The following CNTN5 variants were observed in gnomAD, a reference collection of about 807,000 sequenced individuals.
CNTN5 encodes the protein contactin-5.
In CNTN5, 77 loss-of-function variants were observed where a neutral mutation model predicts 129.1. The ratio of observed to expected loss-of-function variants is 0.60; its 90% CI spans 0.50 to 0.72. CNTN5 has a LOEUF of 0.72. CNTN5 is among the 30% of genes least tolerant of loss of function. The pLI is 0.00. For missense variants in CNTN5, 1,478 were observed against 1,328.8 expected (o/e 1.11, Z -1.75); for synonymous variants, 509 against 465.6 (o/e 1.09, Z -1.20).
chr11:99,402,272 A>G (rs529544757), intron 2 of CNTN5, among the ~76,000 whole-genome samples: 82 of 152,242 alleles, frequency 5.4e-4, no homozygotes, highest in Non-Finnish European at 7.8e-4. Flanking sequence ...AGCATTTTTA[A>G]CATGAAGCGA....
chr11:99,335,039 T>C (rs948005185), intron 2 of CNTN5, among the ~76,000 whole-genome samples: 18 of 152,146 alleles, frequency 1.2e-4, no homozygotes, highest in African/African-American at 4.1e-4. Context: ...GAAGTCGTAT[T>C]CACTGGCACC....
In CNTN5 at chr11:99,454,454, G is replaced by A. The variant is rs113213408; in HGVS notation, c.-70-101691G>A. Among the ~76,000 whole-genome samples, 619 of 152,194 alleles carry A rather than the reference G, an allele frequency of 4.1e-3. 5 individuals carry two copies. Among genetic ancestry groups the A allele is most frequent in the African/African-American group, 0.014 (584 of 41,530 alleles). On this transcript the variant is annotated intron_variant, in intron 2 of 24. Coordinates refer to ENST00000524871, the MANE Select transcript of CNTN5 (RefSeq NM_014361.4). ...CTCATGAGATCTGATGGTTTTATAA[G>A]GGTCTCTTCCTCCTTCGCTCGGCAC...
chr11:99,206,433 T>A (rs1565402439), intron 1 of CNTN5, among the ~76,000 whole-genome samples: 1 of 152,112 alleles, frequency 6.6e-6, no homozygotes, highest in Non-Finnish European at 1.5e-5. Context: ...CTGCTTTATT[T>A]TGTGTGTCTT....
At chr11:99,937,009 C>T (rs530829436) in intron 7 of CNTN5, among the ~76,000 whole-genome samples, 396 of 152,020 alleles carry the variant, frequency 2.6e-3, no homozygotes, top group African/African-American at 8.9e-3. Flanking sequence ...TAATACAGTA[C>T]ATATAAGGTA....
chr11:99,469,244 C>G (rs1013694116), intron 2 of CNTN5, among the ~76,000 whole-genome samples: 2 of 151,956 alleles, frequency 1.3e-5, no homozygotes, highest in Non-Finnish European at 2.9e-5. Context: ...TCAATGAATA[C>G]GAAATTTGAC....
chr11:99,281,248 A>G (rs1046167723), intron 1 of CNTN5, among the ~76,000 whole-genome samples: 1 of 151,940 alleles, frequency 6.6e-6, no homozygotes, highest in African/African-American at 2.4e-5. Context: ...GAAATTATCC[A>G]CAAAGATAAA....
chr11:99,258,946 A>G (rs1215858048), intron 1 of CNTN5, among the ~76,000 whole-genome samples: 1 of 151,874 alleles, frequency 6.6e-6, no homozygotes, highest in Admixed American at 6.6e-5. Flanking sequence ...TTTTTTTATT[A>G]AAGTTTCTAT....
At chr11:99,940,133 C>T (rs953736466) in intron 7 of CNTN5, among the ~76,000 whole-genome samples, 18 of 151,954 alleles carry the variant, frequency 1.2e-4, no homozygotes, top group Admixed American at 2.6e-4. Context: ...AGGTCAGTGA[C>T]GCTAATACAC....
At chr11:99,382,845 C>CCATTTTTTTTTT (rs1417732458) in intron 2 of CNTN5, among the ~76,000 whole-genome samples, 1 of 77,032 alleles carries the variant, frequency 1.3e-5, no homozygotes, top group East Asian at 5.3e-4. Flanking sequence ...CTCTAAATAA[C>CCATTTTTTTTTT]TTTTTTTTTT....
At chr11:99,382,867 TTTTTTTTTA>T (rs1376155928) in intron 2 of CNTN5, among the ~76,000 whole-genome samples, 2 of 124,522 alleles carry the variant, frequency 1.6e-5, no homozygotes, top group African/African-American at 6.2e-5. Context: ...TTTTTTTTTT[TTTTTTTTTA>T]GACAGAGTCT....
intron 1 of CNTN5, among the ~76,000 whole-genome samples, chr11:99,208,460 T>C (rs1859593971): frequency 6.6e-6 from 1 of 152,158 alleles, no homozygotes; most frequent in African/African-American, 2.4e-5. Context: ...CAAAGGGTCA[T>C]ACTTATTACC....
intron 1 of CNTN5, among the ~76,000 whole-genome samples, chr11:99,198,927 C>T (rs938578214): frequency 5.9e-5 from 9 of 151,994 alleles, no homozygotes; most frequent in African/African-American, 2.2e-4. Flanking sequence ...ATCTTCAATG[C>T]CATCGATAGT....
At chr11:99,287,058 C>T (rs1281303900) in intron 1 of CNTN5, among the ~76,000 whole-genome samples, 1 of 151,984 alleles carries the variant, frequency 6.6e-6, no homozygotes, top group Non-Finnish European at 1.5e-5. Flanking sequence ...TTTGGGGAAA[C>T]ATGATAACTG....
At chr11:99,239,611 A>C (rs1861438763) in intron 1 of CNTN5, among the ~76,000 whole-genome samples, 1 of 152,198 alleles carries the variant, frequency 6.6e-6, no homozygotes, top group African/African-American at 2.4e-5. Context: ...TTCATCACTT[A>C]TGAAAACCAG....
At chr11:99,121,260 A>C (rs1858312233) in intron 1 of CNTN5, among the ~76,000 whole-genome samples, 1 of 151,196 alleles carries the variant, frequency 6.6e-6, no homozygotes, top group African/African-American at 2.4e-5. Flanking sequence ...TCAGCCTTCC[A>C]AGTAGCTGGG....
chr11:100,231,858 T>G (rs549299706), intron 16 of CNTN5, among the ~76,000 whole-genome samples: 11 of 152,234 alleles, frequency 7.2e-5, no homozygotes, highest in African/African-American at 2.4e-4. Flanking sequence ...GGAATTAAAT[T>G]AAAGAGCCTG....
intron 18 of CNTN5, among the ~76,000 whole-genome samples, chr11:100,283,702 T>A (rs955517043): frequency 6.6e-6 from 1 of 152,114 alleles, no homozygotes; most frequent in African/African-American, 2.4e-5. Flanking sequence ...TCCCAGCACT[T>A]TGGGAGGCCG....
chr11:99,401,708 C>T (rs1244804465), intron 2 of CNTN5, among the ~76,000 whole-genome samples: 20 of 152,060 alleles, frequency 1.3e-4, no homozygotes, highest in Admixed American at 1.2e-3. Context: ...TCTTCCAATC[C>T]GTGAACATGA....
Position 99,936,019 on chromosome 11 carries a change from T to C in CNTN5, c.673+19870T>C, listed in dbSNP as rs112994544. On this transcript the variant is annotated intron_variant, in intron 7 of 24. Transcript: ENST00000524871. ...TTGATTCTTCCTGTCTACTTTTACG[T>C]TGTATTTCCACCAGGAATAATGAAT... 7.5e-3 allele frequency among the ~76,000 whole-genome samples: 1,144 copies of C among 152,328 alleles called. 14 individuals are homozygous for C. The highest frequency in any genetic ancestry group is 0.026 in the African/African-American group (1,090 of 41,578).
Sources: gnomAD v4.1 joint callset for allele counts (sites outside exome capture counted in the v4.1 genomes callset) on GRCh38, gnomAD v4.1.1 for gene constraint, MANE v1.5 for transcripts, NCBI Gene and HGNC (gene_info 2026-07-23, HGNC 2026-07-21) for gene names.